Variants in DGKB observed in about 807,000 individuals in gnomAD.
DGKB encodes diacylglycerol kinase beta.
Under a neutral mutation model 114.3 loss-of-function variants are expected in DGKB, and 67 were observed. The ratio of observed to expected loss-of-function variants is 0.59; its 90% CI spans 0.48 to 0.72. The LOEUF (loss-of-function observed/expected upper bound fraction) is 0.72, where lower values mean the gene tolerates loss of function less well. Among genes scored for constraint, DGKB ranks in the 30% least tolerant of loss-of-function variants. DGKB has a pLI of 0.00. For missense variants in DGKB, 907 were observed against 975.2 expected (o/e 0.93, Z 0.93); for synonymous variants, 398 against 323.1 (o/e 1.23, Z -2.49).
rs79888218 is a variant in DGKB at position 14,699,028 on chromosome 7, G to A, written c.517-859C>T. 6.9e-3 allele frequency among the ~76,000 whole-genome samples: 1,047 copies of A among 151,898 alleles called. 10 individuals are homozygous for A. Among genetic ancestry groups the A allele is most frequent in the African/African-American group, 0.023 (965 of 41,442 alleles). Reference sequence around the variant, plus strand: ...AATCTCTAATCTAATATATGTAGTCGATGTTCATGGAATAGAGAAGAAATA... The same window carrying A: ...AATCTCTAATCTAATATATGTAGTCAATGTTCATGGAATAGAGAAGAAATA... On this transcript the variant is annotated intron_variant, in intron 7 of 25. Coordinates refer to ENST00000402815, the MANE Select transcript of DGKB (RefSeq NM_001350709.2).
chr7:14,612,377 G>C (rs1313123706), intron 16 of DGKB, among the ~76,000 whole-genome samples: 1 of 151,618 alleles, frequency 6.6e-6, no homozygotes, highest in Non-Finnish European at 1.5e-5. Context: ...CACTATGTTG[G>C]CCAGGCTGGT....
upstream of DGKB, chr7:14,903,212 AGTGTGTGTGTGTGTGTGTGTGTGT>A (rs34367492): frequency 2.2e-5 from 3 of 137,406 alleles, no homozygotes; most frequent in South Asian, 2.5e-4. Flanking sequence ...AAGTCTGTGC[AGTGTGTGTGTGTGTGTGTGTGTGT>A]GTGTGTGTGT....
At chr7:14,315,114 A>C (rs1402061865) in intron 23 of DGKB, among the ~76,000 whole-genome samples, 4 of 147,848 alleles carry the variant, frequency 2.7e-5, no homozygotes, top group African/African-American at 9.9e-5. Flanking sequence ...GCCTGCCCTA[A>C]AAGAGCTCCT....
At chr7:14,662,951 A>T (rs1371122579) in intron 13 of DGKB, among the ~76,000 whole-genome samples, 1 of 152,012 alleles carries the variant, frequency 6.6e-6, no homozygotes, top group Non-Finnish European at 1.5e-5. Context: ...CATAACACTT[A>T]TAATAGTAAT....
chr7:14,913,115 G>A (rs750898892), intron 1 of DGKB, among the ~76,000 whole-genome samples: 12 of 152,048 alleles, frequency 7.9e-5, no homozygotes, highest in Non-Finnish European at 1.8e-4. Flanking sequence ...TTCCAGCATT[G>A]TGGATCAGTG....
intron 19 of DGKB, among the ~76,000 whole-genome samples, chr7:14,577,434 G>A (rs1242881325): frequency 2.0e-5 from 3 of 152,074 alleles, no homozygotes; most frequent in Admixed American, 1.3e-4. Flanking sequence ...TGGCTAACAC[G>A]GTGAAACCCT....
chr7:14,870,259 T>C (rs559667304), intron 1 of DGKB, among the ~76,000 whole-genome samples: 1 of 152,304 alleles, frequency 6.6e-6, no homozygotes, highest in East Asian at 1.9e-4. Context: ...CTCTCCTGTT[T>C]CTTCTACCTT....
intron 15 of DGKB, among the ~76,000 whole-genome samples, chr7:14,618,624 A>G (rs1807011668): frequency 6.6e-6 from 1 of 151,594 alleles, no homozygotes; most frequent in African/African-American, 2.4e-5. Context: ...GTGAGCGATG[A>G]CAAAGACAGA....
At chr7:14,149,270 G>C (rs535337695) in intron 25 of DGKB, 32 bp from the exon 26 acceptor site, 2 of 1,465,756 alleles carry the variant, frequency 1.4e-6, no homozygotes, top group South Asian at 1.2e-5. Context: ...GAGAGAGAAA[G>C]AATAGAGTAA....
At chr7:14,674,975 C>T (rs1272500689) in intron 12 of DGKB, among the ~76,000 whole-genome samples, 1 of 152,056 alleles carries the variant, frequency 6.6e-6, no homozygotes, top group Non-Finnish European at 1.5e-5. Context: ...AAACCCAGTA[C>T]TATGAAAACG....
At chr7:14,548,737 G>A (rs948667120) in intron 20 of DGKB, among the ~76,000 whole-genome samples, 1 of 152,120 alleles carries the variant, frequency 6.6e-6, no homozygotes, top group Non-Finnish European at 1.5e-5. Context: ...GCATGGGTTT[G>A]AGAAATCAAG....
At chr7:14,562,416 A>G (rs1251410455) in intron 20 of DGKB, among the ~76,000 whole-genome samples, 1 of 152,176 alleles carries the variant, frequency 6.6e-6, no homozygotes, top group Admixed American at 6.5e-5. Flanking sequence ...ACCATCCTCC[A>G]CACCCCAGAA....
Position 14,364,053 on chromosome 7 carries a change from C to T in DGKB, c.1836-18662G>A, listed in dbSNP as rs77373501. Among the ~76,000 whole-genome samples, 506 of 151,888 alleles carry T rather than the reference C, an allele frequency of 3.3e-3. 2 individuals carry two copies. Among genetic ancestry groups the T allele is most frequent in the African/African-American group, 7.7e-3 (317 of 41,426 alleles). ...GGTCAGCTCGGTACTGTGTGGCCAC[C>T]GACTTTATTGACTCAGTACAATACA... is the stretch of plus-strand genomic sequence containing the variant. On this transcript the variant is annotated intron_variant, in intron 21 of 25. Transcript: ENST00000402815.
intron 13 of DGKB, among the ~76,000 whole-genome samples, chr7:14,643,530 G>C (rs369690088): frequency 3.3e-5 from 5 of 152,158 alleles, no homozygotes; most frequent in African/African-American, 9.6e-5. Flanking sequence ...CACTGAGAAG[G>C]CTACAGTCTC....
intron 2 of DGKB, among the ~76,000 whole-genome samples, chr7:14,804,854 G>A (rs945987637): frequency 1.1e-4 from 16 of 151,780 alleles, no homozygotes; most frequent in African/African-American, 3.9e-4. Context: ...CTCTTTTCAA[G>A]TACACCTGTT....
intron 17 of DGKB, among the ~76,000 whole-genome samples, chr7:14,606,053 T>A (rs1000261182): frequency 3.3e-5 from 5 of 152,104 alleles, no homozygotes; most frequent in Admixed American, 2.6e-4. Flanking sequence ...TGATTCAACT[T>A]ACAGGGGTCT....
chr7:14,796,002 C>T (rs1183205936), intron 2 of DGKB, among the ~76,000 whole-genome samples: 3 of 151,920 alleles, frequency 2.0e-5, no homozygotes, highest in Admixed American at 6.6e-5. Flanking sequence ...TGAAAATAAC[C>T]CTTATCTCTA....
At chr7:14,919,604 G>C (rs1784419079) in intron 1 of DGKB, among the ~76,000 whole-genome samples, 1 of 152,146 alleles carries the variant, frequency 6.6e-6, no homozygotes, top group South Asian at 2.1e-4. Context: ...AGCAACCAAG[G>C]TGTTTTTCAA....
At chr7:14,520,092 A>G (rs1166912710) in intron 20 of DGKB, among the ~76,000 whole-genome samples, 1 of 151,648 alleles carries the variant, frequency 6.6e-6, no homozygotes, top group Non-Finnish European at 1.5e-5. Flanking sequence ...GGGTCTTTCA[A>G]TATAATGTCT....
Sources: allele counts gnomAD v4.1 joint callset (sites outside exome capture counted in the v4.1 genomes callset), GRCh38; gene constraint gnomAD v4.1.1; transcripts MANE v1.5; gene names NCBI Gene and HGNC (gene_info 2026-07-23, HGNC 2026-07-21).